PLPP2: variants seen among roughly 807,000 people sequenced by gnomAD.
PLPP2 encodes phospholipid phosphatase 2, also known as PAP2-gamma.
PLPP2 carries 29 observed loss-of-function variants against 35.2 expected under a neutral mutation model. That is an observed-to-expected ratio of 0.82 (90% CI 0.61 to 1.12). The LOEUF (loss-of-function observed/expected upper bound fraction) is 1.12. Among genes scored for constraint, PLPP2 ranks in the 50% most tolerant of loss-of-function variants. PLPP2 has a pLI of 0.00. For synonymous variants in PLPP2, 162 were observed against 167.0 expected, an observed-to-expected ratio of 0.97 and a Z score of 0.23; for missense variants, 353 against 375.2, an observed-to-expected ratio of 0.94 and a Z score of 0.49.
At chr19:290,629 C>G (rs1031844972) in intron 1 of PLPP2, among the ~76,000 whole-genome samples, 1 of 152,218 alleles carries the variant, frequency 6.6e-6, no homozygotes, top group Non-Finnish European at 1.5e-5. Context: ...GGGAGGGGGG[C>G]CTCGGGATGC....
chr19:288,308 C>A, intron 1 of PLPP2, 137 bp from the exon 2 acceptor site: 2 of 802,924 alleles, frequency 2.5e-6, no homozygotes, highest in Non-Finnish European at 3.7e-6. Context: ...TTTCACAGCC[C>A]AAATAACACT....
chr19:288,422 C>T, intron 1 of PLPP2: 1 of 366,746 alleles, frequency 2.7e-6, no homozygotes, highest in Non-Finnish European at 4.9e-6. Flanking sequence ...CAAACACCCA[C>T]CTTTGCACAG....
In PLPP2 at chr19:288,161, G is replaced by T; in HGVS notation, c.63C>A (p.Pro21=). The change falls in exon 2 of 6, where the codon CCC becomes CCA. Residue 21 remains proline (P), a synonymous_variant. Transcript: ENST00000434325. ...CGTTCACCAGCGTCAGGATAGCGAA[G>T]GGCAGGGAGGCTGGTGGGGAAGAAA... ...DVLCLLVASL[P]FAILTLVNAP... 6.3e-7 allele frequency: 1 copy of T among 1,581,050 alleles called. No homozygotes were observed. The highest frequency in any genetic ancestry group is 8.6e-7 in the Non-Finnish European group (1 of 1,159,110).
intron 1 of PLPP2, 63 bp downstream of exon 1, chr19:291,222 G>A: frequency 6.3e-7 from 1 of 1,590,236 alleles, no homozygotes; most frequent in African/African-American, 1.4e-5. Context: ...AAACTTGCGC[G>A]CAGCCGGGGG....
intron 5 of PLPP2, among the ~76,000 whole-genome samples, chr19:281,784 C>T (rs1009850743): frequency 3.6e-5 from 5 of 140,530 alleles, no homozygotes; most frequent in Non-Finnish European, 7.6e-5. Flanking sequence ...GACTGGGGTG[C>T]ACGGAAAGGA....
rs781135988 is a variant in PLPP2, at chr19:281,433, G to A, written c.822C>T (p.Gly274=). 2.5e-5 allele frequency: 39 copies of A among 1,536,904 alleles called. No individual in the cohort carries two copies. The Admixed American group carries it at 4.6e-4, about 18-fold the overall frequency. ...ATCCATAGTGGTTGTGGTCAGCCTC[G>A]CCCAGGGTCAACGTCAGTGACAGGC... The part of the protein sequence containing the change: ...KPSLSLTLTL[G]EADHNHYGYP... The change falls in exon 6 of 6, where the codon GGC becomes GGT. Residue 274 remains glycine (G), a synonymous_variant. Coordinates refer to ENST00000434325, the MANE Select transcript of PLPP2 (RefSeq NM_003712.4).
chr19:282,157 C>A lies in PLPP2; in HGVS notation c.694G>T (p.Gly232Trp). Residue 232 changes from glycine (G) to tryptophan (W), a missense_variant, in exon 5 of 6, where the codon GGG (glycine) becomes TGG (tryptophan). Coordinates refer to ENST00000434325, the MANE Select transcript of PLPP2 (RefSeq NM_003712.4). ...ACAGTGAGGGCAGCCACCAGTGCCC[C>A]CTGCAGGAGGCCAACAAGGACATCG... ...WSDVLVGLLQ[G>W]ALVAALTVCY... 3 of 1,613,622 alleles carry A rather than the reference C, an allele frequency of 1.9e-6. No homozygotes were observed. The highest frequency in any genetic ancestry group is 1.1e-5 in the South Asian group (1 of 91,088).
At chr19:290,863 G>A (rs1354507473) in intron 1 of PLPP2, 8 of 1,072,702 alleles carry the variant, frequency 7.5e-6, no homozygotes, top group Non-Finnish European at 9.4e-6. Flanking sequence ...TCCGCGCGCA[G>A]CGGGAGCGCC....
At position 287,520 on chromosome 19, in the gene PLPP2, G is replaced by A; in HGVS notation, c.436C>T (p.Leu146=). ...GGGTTTCCCCTGCACACCTTCTCCA[G>A]CTGCACATAGACCGAGCAGTTGACC... ...SRVNCSVYVQ[L]EKVCRGNPAD... The change falls in exon 3 of 6, where the codon CTG becomes TTG. Residue 146 remains leucine, a synonymous_variant. Coordinates refer to ENST00000434325, the MANE Select transcript of PLPP2 (RefSeq NM_003712.4). The surrounding 1 kb of genome is among the most constrained non-coding windows in gnomAD (Gnocchi z 4.3). 6.2e-7 allele frequency: 1 copy of A among 1,613,630 alleles called. No individual in the cohort carries two copies. The highest frequency in any genetic ancestry group is 1.6e-4 in the Middle Eastern group (1 of 6,062).
intron 1 of PLPP2, chr19:290,934 C>G: frequency 8.1e-7 from 1 of 1,231,088 alleles, no homozygotes; most frequent in Non-Finnish European, 1.0e-6. Flanking sequence ...CCCCACCTCC[C>G]GGGCCCGCGT....
chr19:282,383 G>C (rs940029411), intron 4 of PLPP2, 73 bp from the exon 5 acceptor site: 1 of 1,178,076 alleles, frequency 8.5e-7, no homozygotes, highest in African/African-American at 1.8e-5. Flanking sequence ...AGACGTGTTA[G>C]CCTGTGCACC....
chr19:286,294 A>T (rs1339129562), intron 3 of PLPP2: 1 of 152,116 alleles, frequency 6.6e-6, no homozygotes, highest in Non-Finnish European at 1.5e-5. Context: ...CAACATGGTG[A>T]GACCCTATTT....
rs912063114 is a variant in PLPP2 at position 287,145 on chromosome 19, G to A, written c.482+329C>T. 7.6e-6 allele frequency: 2 copies of A among 262,674 alleles called. No individual in the cohort carries two copies. The highest frequency in any genetic ancestry group is 2.2e-5 in the African/African-American group (1 of 44,900). 16.3% of individuals were successfully genotyped at this position (262,674 alleles called of 1,614,324 possible). ...AGCTATGTTAATATCAGACAAAACA[G>A]ACATCAAGACAAAAATTGTTGAGAC... On this transcript the variant is annotated intron_variant, in intron 3 of 5. Coordinates refer to ENST00000434325, the MANE Select transcript of PLPP2 (RefSeq NM_003712.4). This position sits in a 1 kb window ranked among gnomAD's most constrained non-coding sequence, Gnocchi z 4.3.
Position 287,782 on chromosome 19 carries a change from G to C in PLPP2, c.205-31C>G, listed in dbSNP as rs1451994054. ...AGAGCAGCCGCAGGAACCAGTGGGG[G>C]TCTCGGTCGGCCCAGGGGCCCTCAC... On this transcript the variant is annotated intron_variant, in intron 2 of 5. Transcript: ENST00000434325. The surrounding 1 kb of genome is among the most constrained non-coding windows in gnomAD (Gnocchi z 4.3). 3 of 1,610,294 alleles carry C rather than the reference G, an allele frequency of 1.9e-6. No homozygotes were observed. In the African/African-American group the frequency reaches 4.0e-5, roughly 22 times the overall value.
At position 291,126 on chromosome 19, in the gene PLPP2, G is replaced by A. The variant is rs538396441; in HGVS notation, c.52+159C>T. ...TGGGAGGGCGCGCGCAGTGCGGGGC[G>A]CGGAGGGAGGTCTGGTCCTCACGCG... On this transcript the variant is annotated intron_variant, in intron 1 of 5. Coordinates refer to ENST00000434325, the MANE Select transcript of PLPP2 (RefSeq NM_003712.4). 3.8e-5 allele frequency: 52 copies of A among 1,380,722 alleles called. No homozygotes were observed. In the African/African-American group the frequency reaches 7.2e-4, roughly 19 times the overall value. 85.5% of individuals were successfully genotyped at this position (1,380,722 alleles called of 1,614,324 possible).
intron 3 of PLPP2, chr19:285,263 T>C (rs1425712620): frequency 6.6e-6 from 1 of 151,610 alleles, no homozygotes; most frequent in Non-Finnish European, 1.5e-5. Context: ...TGAAACCCCG[T>C]CTCTACTTAA....
At chr19:281,751 G>C (rs946318197) in intron 5 of PLPP2, among the ~76,000 whole-genome samples, 1 of 150,286 alleles carries the variant, frequency 6.7e-6, no homozygotes, top group Non-Finnish European at 1.5e-5. Flanking sequence ...AAGAACTGCA[G>C]TAGGGCCAGG....
intron 1 of PLPP2, among the ~76,000 whole-genome samples, chr19:290,097 C>T (rs1970356486): frequency 6.6e-6 from 1 of 152,152 alleles, no homozygotes; most frequent in African/African-American, 2.4e-5. Flanking sequence ...GCCCTCCCGC[C>T]CTCACACTGC....
At chr19:282,403 C>T (rs1970195852) in intron 4 of PLPP2, 93 bp from the exon 5 acceptor site, 3 of 752,126 alleles carry the variant, frequency 4.0e-6, no homozygotes, top group Admixed American at 4.2e-5. Context: ...CTGCCAGGCG[C>T]TCCCCCTCCC....
Sources: allele counts gnomAD v4.1 joint callset (sites outside exome capture counted in the v4.1 genomes callset), GRCh38; gene constraint gnomAD v4.1.1; non-coding constraint Gnocchi (gnomAD v3.1); transcripts MANE v1.5; gene names NCBI Gene and HGNC (gene_info 2026-07-23, HGNC 2026-07-21).